Variants in SCYL3 observed in about 807,000 individuals in gnomAD.
SCYL3 encodes protein-associating with the carboxyl-terminal domain of ezrin.
SCYL3 carries 35 observed loss-of-function variants against 73.8 expected under a neutral mutation model. The ratio of observed to expected loss-of-function variants is 0.47; its 90% confidence interval spans 0.36 to 0.63. SCYL3 has a LOEUF of 0.63. SCYL3 is among the 20% of genes least tolerant of loss of function. The pLI, the probability that SCYL3 is intolerant of heterozygous loss-of-function variation, is 0.00. For missense variants in SCYL3, 712 were observed against 798.9 expected (o/e 0.89, Z 1.31); for synonymous variants, 277 against 295.2 (o/e 0.94, Z 0.63).
chr1:169,873,112 G>A (rs1660537976), intron 5 of SCYL3, among the ~76,000 whole-genome samples: 1 of 152,152 alleles, frequency 6.6e-6, no homozygotes, highest in Admixed American at 6.5e-5. Context: ...ATCTTGGATT[G>A]TAACTCCCAC....
At chr1:169,886,856 T>C (rs1661720107) in intron 2 of SCYL3, among the ~76,000 whole-genome samples, 1 of 152,232 alleles carries the variant, frequency 6.6e-6, no homozygotes, top group African/African-American at 2.4e-5. Context: ...TTGTTGTTTT[T>C]TACTTGTAAC....
intron 4 of SCYL3, among the ~76,000 whole-genome samples, chr1:169,874,680 CT>C (rs1660671326): frequency 1.3e-5 from 2 of 152,144 alleles, no homozygotes; most frequent in Admixed American, 6.5e-5. Flanking sequence ...AATCCCAGCA[CT>C]TTGGGAGGCT....
Position 169,852,294 on chromosome 1 carries a change from C to A in SCYL3, c.*1419G>T. ...TTGCCTTATTAATCAAATGAGTCTC[C>A]TAATAATTTTTGGCAGTAACTGAAG... On this transcript the variant is annotated 3_prime_UTR_variant, in exon 13 of 13. Transcript: ENST00000367771. The A allele has an allele frequency of 3.3e-6, 1 of 305,506 alleles. No homozygotes were observed. The highest frequency in any genetic ancestry group is 3.5e-5 in the South Asian group (1 of 28,798). The allele number at this position is 305,506 out of a possible 1,614,324, so 18.9% of individuals were successfully genotyped here. A position where few individuals can be genotyped will look rare whatever the true frequency, so the allele number is the denominator to read the frequency against.
chr1:169,863,018 T>G (rs1439556634), intron 9 of SCYL3, among the ~76,000 whole-genome samples: 1 of 152,048 alleles, frequency 6.6e-6, no homozygotes, highest in East Asian at 1.9e-4. Context: ...GTTCAAGCAA[T>G]TCTCCTGCCT....
chr1:169,890,610 C>A (rs977813446), intron 1 of SCYL3, among the ~76,000 whole-genome samples: 2 of 152,200 alleles, frequency 1.3e-5, no homozygotes, highest in African/African-American at 4.8e-5. Flanking sequence ...GCCTACCGAT[C>A]CACAACCATC....
chr1:169,860,975 T>C (rs1008556281), intron 10 of SCYL3, among the ~76,000 whole-genome samples: 3 of 152,220 alleles, frequency 2.0e-5, no homozygotes, highest in Non-Finnish European at 4.4e-5. Flanking sequence ...TTCATTGTCT[T>C]CCACATGCTC....
At chr1:169,856,642 T>C (rs1659193044) in intron 11 of SCYL3, among the ~76,000 whole-genome samples, 1 of 152,184 alleles carries the variant, frequency 6.6e-6, no homozygotes, top group Non-Finnish European at 1.5e-5. Flanking sequence ...CACTCATTTG[T>C]GCCACTATCC....
chr1:169,853,097 A>AAAT lies in SCYL3; in HGVS notation c.*613_*615dup. On this transcript the variant is annotated 3_prime_UTR_variant, in exon 13 of 13. Coordinates refer to ENST00000367771, the MANE Select transcript of SCYL3 (RefSeq NM_020423.7). Reference sequence around the variant, plus strand: ...AATTTTGTAAAGTTGAATCTAGTGAAAATAATCTTTATTTGACATTTAGAG... The same window carrying AAAT: ...AATTTTGTAAAGTTGAATCTAGTGAAAATAATAATCTTTATTTGACATTTAGAG... 1 of 1,000,608 alleles carries AAAT rather than the reference A, an allele frequency of 1.0e-6. No individual in the cohort carries two copies. The highest frequency in any genetic ancestry group is 1.5e-6 in the Non-Finnish European group (1 of 669,880). The allele number at this position is 1,000,608 out of a possible 1,614,324, so 62.0% of individuals were successfully genotyped here.
In SCYL3 at chr1:169,851,634, AG is replaced by A; in HGVS notation, c.*2078del. The A allele has an allele frequency of 1.4e-6, 1 of 696,504 alleles. No individual in the cohort carries two copies. Among genetic ancestry groups the A allele is most frequent in the Non-Finnish European group, 2.3e-6 (1 of 428,216 alleles). 43.1% of individuals were successfully genotyped at this position (696,504 alleles called of 1,614,324 possible). Reference sequence around the variant, plus strand: ...CAACTCTATAACTAACTATTTTGTAAGGAAGAACACAGTAGAGTGATTTAAT... The same window carrying A: ...CAACTCTATAACTAACTATTTTGTAAGAAGAACACAGTAGAGTGATTTAAT... On this transcript the variant is annotated 3_prime_UTR_variant, in exon 13 of 13. Coordinates refer to ENST00000367771, the MANE Select transcript of SCYL3 (RefSeq NM_020423.7).
chr1:169,861,028 T>C (rs1213809732), intron 10 of SCYL3, among the ~76,000 whole-genome samples: 2 of 152,248 alleles, frequency 1.3e-5, no homozygotes, highest in African/African-American at 4.8e-5. Flanking sequence ...AGACCTATGA[T>C]GACAACTCCA....
Position 169,878,771 on chromosome 1 carries a change from T to C in SCYL3, c.214A>G (p.Thr72Ala), listed in dbSNP as rs201886637. 2 of 1,613,710 alleles carry C rather than the reference T, an allele frequency of 1.2e-6. No individual in the cohort carries two copies. Among genetic ancestry groups the C allele is most frequent in the Admixed American group, 1.7e-5 (1 of 59,896 alleles). ...AGATGAATGCCATCCGCTTCCACAG[T>C]ACAAGATAAAAATCTTAGCAAGCAA... ...HPCLLRFLSC[T>A]VEADGIHLVT... Residue 72 changes from threonine (T) to alanine (A), a missense_variant, in exon 3 of 13, where the codon ACT becomes GCT. Transcript: ENST00000367771.
intron 12 of SCYL3, 32 bp downstream of exon 12, chr1:169,854,238 A>G: frequency 1.3e-6 from 2 of 1,501,720 alleles, no homozygotes; most frequent in Non-Finnish European, 1.8e-6. Context: ...TCCTAAAGCT[A>G]GTAGCACAGT....
chr1:169,853,897 A>G, intron 12 of SCYL3, 125 bp from the exon 13 acceptor site: 1 of 1,039,488 alleles, frequency 9.6e-7, no homozygotes, highest in Non-Finnish European at 1.4e-6. Flanking sequence ...CCTCGTACTA[A>G]GTAAAATAAC....
chr1:169,860,059 AT>A (rs11403314), intron 10 of SCYL3: 1 of 151,830 alleles, frequency 6.6e-6, no homozygotes. Context: ...CTCTAAAATA[AT>A]TTTTTTTTAT....
At chr1:169,859,013 A>G (rs774694918) in intron 11 of SCYL3, 28 bp downstream of exon 11, 8 of 1,602,364 alleles carry the variant, frequency 5.0e-6, no homozygotes, top group African/African-American at 2.7e-5. Context: ...ATGACACACA[A>G]AAAGTTAGAC....
intron 11 of SCYL3, among the ~76,000 whole-genome samples, chr1:169,856,118 C>T (rs1347562947): frequency 6.6e-6 from 1 of 152,108 alleles, no homozygotes; most frequent in African/African-American, 2.4e-5. Flanking sequence ...AGACATACAC[C>T]CATTATGGAA....
intron 1 of SCYL3, among the ~76,000 whole-genome samples, chr1:169,893,220 T>C (rs901991168): frequency 6.6e-6 from 1 of 151,984 alleles, no homozygotes; most frequent in East Asian, 1.9e-4. Context: ...TTCCGAGAAA[T>C]GTTTCATCTT....
At chr1:169,869,093 C>T in intron 6 of SCYL3, 54 bp from the exon 7 acceptor site, 1 of 1,433,630 alleles carries the variant, frequency 7.0e-7, no homozygotes, top group Non-Finnish European at 9.8e-7. Flanking sequence ...TTTTCAGGAC[C>T]TCTATAGCTG....
chr1:169,885,680 A>G (rs547159692), intron 2 of SCYL3, among the ~76,000 whole-genome samples: 13 of 152,324 alleles, frequency 8.5e-5, no homozygotes, highest in African/African-American at 2.9e-4. Context: ...AGGAATAAAA[A>G]TTCCATTCTG....
Sources: gnomAD v4.1 joint callset for allele counts (sites outside exome capture counted in the v4.1 genomes callset) on GRCh38, gnomAD v4.1.1 for gene constraint, MANE v1.5 for transcripts, NCBI Gene and HGNC (gene_info 2026-07-23, HGNC 2026-07-21) for gene names.